The following GPR158 variants were observed in gnomAD, a reference collection of about 807,000 sequenced individuals.
GPR158 encodes metabotropic glycine receptor.
In GPR158, 30 loss-of-function variants were observed where a neutral mutation model predicts 78.2. The observed-to-expected ratio is 0.38, with a 90% CI of 0.29 to 0.52. The LOEUF (loss-of-function observed/expected upper bound fraction) is 0.52. GPR158 is among the 20% of genes least tolerant of loss of function. The pLI is 0.83. For missense variants in GPR158, 1,463 were observed against 1,523.5 expected (o/e 0.96, Z 0.66); for synonymous variants, 581 against 591.1 (o/e 0.98, Z 0.25).
intron 1 of GPR158, among the ~76,000 whole-genome samples, chr10:25,197,543 A>T (rs912872511): frequency 6.6e-6 from 1 of 152,226 alleles, no homozygotes; most frequent in African/African-American, 2.4e-5. Flanking sequence ...AACAAAGAAG[A>T]TATATCTTTG....
At chr10:25,292,194 G>T (rs994448863) in intron 2 of GPR158, among the ~76,000 whole-genome samples, 7 of 151,814 alleles carry the variant, frequency 4.6e-5, no homozygotes, top group African/African-American at 1.5e-4. Flanking sequence ...TGGGGGTGGG[G>T]GGTAGAAGTA....
chr10:25,425,996 A>G (rs1834815175), intron 4 of GPR158, among the ~76,000 whole-genome samples: 2 of 152,018 alleles, frequency 1.3e-5, no homozygotes, highest in African/African-American at 4.8e-5. Context: ...ATTGTTCTTT[A>G]TGTTTTCTCT....
At chr10:25,517,852 G>A (rs1414455220) in intron 5 of GPR158, among the ~76,000 whole-genome samples, 4 of 147,196 alleles carry the variant, frequency 2.7e-5, no homozygotes, top group Non-Finnish European at 6.0e-5. Context: ...TTGTGTCTCT[G>A]CCTGGCTTTG....
At chr10:25,313,990 A>T (rs1854807878) in intron 2 of GPR158, among the ~76,000 whole-genome samples, 2 of 152,190 alleles carry the variant, frequency 1.3e-5, no homozygotes, top group African/African-American at 4.8e-5. Context: ...ATTTCTTTAA[A>T]ACTTTCTCTA....
intron 2 of GPR158, chr10:25,393,451 A>G (rs1009835162): frequency 6.6e-6 from 1 of 152,222 alleles, no homozygotes; most frequent in Admixed American, 6.5e-5. Flanking sequence ...TCTAACTTAC[A>G]ACAAACTCCA....
intron 2 of GPR158, among the ~76,000 whole-genome samples, chr10:25,334,423 C>T (rs539897362): frequency 4.9e-5 from 7 of 142,178 alleles, no homozygotes; most frequent in Admixed American, 2.8e-4. Flanking sequence ...AACCTACCTC[C>T]CATTTGTTTA....
chr10:25,304,252 G>A (rs1408223047), intron 2 of GPR158, among the ~76,000 whole-genome samples: 2 of 151,894 alleles, frequency 1.3e-5, no homozygotes, highest in Non-Finnish European at 2.9e-5. Context: ...TATCACCTTA[G>A]CAACTGTCTG....
chr10:25,530,839 G>A (rs186042676), intron 5 of GPR158, among the ~76,000 whole-genome samples: 1 of 152,232 alleles, frequency 6.6e-6, no homozygotes, highest in East Asian at 1.9e-4. Flanking sequence ...CCCTTTTCCA[G>A]CCTTGTGTCA....
intron 4 of GPR158, among the ~76,000 whole-genome samples, chr10:25,441,248 G>C (rs536138559): frequency 6.6e-6 from 1 of 152,144 alleles, no homozygotes; most frequent in Non-Finnish European, 1.5e-5. Flanking sequence ...CTGGTGCTCT[G>C]TCTGGCTACC....
chr10:25,235,657 G>GT (rs972164662), intron 2 of GPR158, among the ~76,000 whole-genome samples: 19 of 139,066 alleles, frequency 1.4e-4, no homozygotes, highest in Non-Finnish European at 1.9e-4. Context: ...AATGAGGACA[G>GT]TTTTTTTTAG....
intron 5 of GPR158, among the ~76,000 whole-genome samples, chr10:25,490,711 C>G (rs7089986): frequency 0.62 from 86,922 of 139,420 alleles, 27,618 homozygotes; most frequent in East Asian, 0.99. Flanking sequence ...ATTTGGGTTG[C>G]TTCCAAGTCT....
At chr10:25,353,066 T>C (rs1376085528) in intron 2 of GPR158, among the ~76,000 whole-genome samples, 1 of 152,076 alleles carries the variant, frequency 6.6e-6, no homozygotes, top group Non-Finnish European at 1.5e-5. Context: ...ATTGCCGTGA[T>C]AATGGCTGTT....
chr10:25,570,685 C>A (rs1468226678), intron 6 of GPR158, among the ~76,000 whole-genome samples: 1 of 152,112 alleles, frequency 6.6e-6, no homozygotes, highest in Non-Finnish European at 1.5e-5. Context: ...GAGGCCGAGG[C>A]GGGCAGATCA....
chr10:25,216,638 TTATAA>T (rs536606400), intron 1 of GPR158, among the ~76,000 whole-genome samples: 3 of 152,146 alleles, frequency 2.0e-5, no homozygotes, highest in South Asian at 2.1e-4. Flanking sequence ...AAATCAAATA[TTATAA>T]TATAGTGTGC....
chr10:25,201,961 G>A (rs72792066), intron 1 of GPR158, among the ~76,000 whole-genome samples: 4 of 152,046 alleles, frequency 2.6e-5, no homozygotes, highest in Non-Finnish European at 5.9e-5. Flanking sequence ...GCCAGGTTTT[G>A]GAATCAGAAT....
intron 4 of GPR158, among the ~76,000 whole-genome samples, chr10:25,441,939 G>C (rs1018653617): frequency 1.1e-4 from 16 of 152,186 alleles, no homozygotes; most frequent in Admixed American, 2.6e-4. Flanking sequence ...ACAATGGAAC[G>C]TGAATGGAGA....
chr10:25,465,517 G>A (rs1835409385), intron 4 of GPR158, among the ~76,000 whole-genome samples: 1 of 152,138 alleles, frequency 6.6e-6, no homozygotes, highest in South Asian at 2.1e-4. Flanking sequence ...ATATATTCAT[G>A]CTTAGCAAAC....
chr10:25,531,271 T>C (rs767310240), intron 5 of GPR158, among the ~76,000 whole-genome samples: 91 of 152,200 alleles, frequency 6.0e-4, no homozygotes, highest in Admixed American at 3.1e-3. Context: ...CCTGGGCAAG[T>C]TACTTATCGT....
intron 2 of GPR158, among the ~76,000 whole-genome samples, chr10:25,241,569 C>T: frequency 6.6e-6 from 1 of 151,708 alleles, no homozygotes; most frequent in East Asian, 1.9e-4. Context: ...TACAGGTGCG[C>T]ACCACCATGC....
Sources: allele counts gnomAD v4.1 joint callset (sites outside exome capture counted in the v4.1 genomes callset), GRCh38; gene constraint gnomAD v4.1.1; transcripts MANE v1.5; gene names NCBI Gene and HGNC (gene_info 2026-07-23, HGNC 2026-07-21).